Variants in SLC41A2 observed in about 807,000 individuals in gnomAD.
The protein encoded by SLC41A2 is SLC41A1-like 1.
A neutral mutation model predicts 58.3 loss-of-function variants in SLC41A2; 32 were observed. The observed-to-expected ratio is 0.55, with a 90% CI of 0.41 to 0.74. SLC41A2 has a LOEUF of 0.74. Ranked by LOEUF, SLC41A2 falls within the 30% of genes least tolerant of loss-of-function variation. The probability of loss-of-function intolerance (pLI) is 0.00; values close to 1 mark genes in which losing one functional copy is unlikely to be tolerated. For synonymous variants in SLC41A2, 190 were observed against 235.0 expected (o/e 0.81, Z 1.75); for missense variants, 514 against 680.6 (o/e 0.76, Z 2.72).
intron 6 of SLC41A2, among the ~76,000 whole-genome samples, chr12:104,881,302 G>T (rs948404697): frequency 1.3e-5 from 2 of 151,990 alleles, no homozygotes; most frequent in Non-Finnish European, 2.9e-5. Context: ...GGGTTCTTTT[G>T]TGTCTCTATC....
At chr12:104,850,309 T>C (rs774512874) in intron 8 of SLC41A2, among the ~76,000 whole-genome samples, 1 of 152,210 alleles carries the variant, frequency 6.6e-6, no homozygotes, top group Non-Finnish European at 1.5e-5. Context: ...GATGTGATGT[T>C]TAGGATCCAG....
In SLC41A2 at chr12:104,894,542, A is replaced by T. The variant is rs544030168; in HGVS notation, c.735+732T>A. Among the ~76,000 whole-genome samples, 10 of 152,324 alleles carry T rather than the reference A, an allele frequency of 6.6e-5. No individual in the cohort carries two copies. The South Asian group carries it at 2.1e-3, about 32-fold the overall frequency. On this transcript the variant is annotated intron_variant, in intron 4 of 10. Transcript: ENST00000258538. ...TACAAGCACTTGTACACGTATTCAA[A>T]AAATGTGCTTTATTTCTTTGTCCTT...
At chr12:104,904,935 G>A (rs540378399) in intron 3 of SLC41A2, among the ~76,000 whole-genome samples, 1 of 152,272 alleles carries the variant, frequency 6.6e-6, no homozygotes, top group Non-Finnish European at 1.5e-5. Flanking sequence ...GGGGACCCAA[G>A]CGGGTTACCA....
intron 10 of SLC41A2, among the ~76,000 whole-genome samples, chr12:104,843,880 C>T (rs2042511101): frequency 6.6e-6 from 1 of 152,080 alleles, no homozygotes; most frequent in Admixed American, 6.5e-5. Context: ...ATAGGAAACA[C>T]TATACATGCC....
intron 10 of SLC41A2, among the ~76,000 whole-genome samples, chr12:104,826,915 A>G (rs1049470544): frequency 6.6e-6 from 1 of 152,216 alleles, no homozygotes; most frequent in African/African-American, 2.4e-5. Context: ...GTGTCAGGGA[A>G]GAGGGTAAAT....
At chr12:104,913,841 G>A (rs1242382656) in intron 2 of SLC41A2, among the ~76,000 whole-genome samples, 4 of 152,206 alleles carry the variant, frequency 2.6e-5, no homozygotes, top group Non-Finnish European at 5.9e-5. Flanking sequence ...GAAGGCCGAG[G>A]CAGATGGATC....
chr12:104,856,990 T>A (rs1396241455), intron 8 of SLC41A2, among the ~76,000 whole-genome samples: 3 of 152,202 alleles, frequency 2.0e-5, no homozygotes, highest in African/African-American at 4.8e-5. Flanking sequence ...TCATTTTTAG[T>A]CTCTTTTTAA....
intron 7 of SLC41A2, 29 bp downstream of exon 7, chr12:104,866,402 AC>A: frequency 6.3e-7 from 1 of 1,595,470 alleles, no homozygotes; most frequent in South Asian, 1.1e-5. Context: ...ACACACACAC[AC>A]ACACACACAC....
chr12:104,872,358 G>A (rs2043827908), intron 6 of SLC41A2, among the ~76,000 whole-genome samples: 1 of 152,138 alleles, frequency 6.6e-6, no homozygotes, highest in Non-Finnish European at 1.5e-5. Flanking sequence ...CTTTTTTGGA[G>A]GAGTGGAGAG....
intron 4 of SLC41A2, among the ~76,000 whole-genome samples, chr12:104,890,591 T>A (rs2044906590): frequency 6.6e-6 from 1 of 152,104 alleles, no homozygotes; most frequent in Admixed American, 6.5e-5. Flanking sequence ...GAAGTCCTAT[T>A]CTGGAAATAT....
At chr12:104,887,719 T>C (rs765376430) in intron 5 of SLC41A2, among the ~76,000 whole-genome samples, 7 of 152,028 alleles carry the variant, frequency 4.6e-5, no homozygotes, top group Non-Finnish European at 7.4e-5. Flanking sequence ...ATATTTTGTA[T>C]GTATCATAGT....
chr12:104,936,560 G>C (rs1017416219), intron 1 of SLC41A2, among the ~76,000 whole-genome samples: 3 of 152,158 alleles, frequency 2.0e-5, no homozygotes, highest in Non-Finnish European at 2.9e-5. Flanking sequence ...GTAGATGGTG[G>C]CAAGCAAAGA....
chr12:104,862,836 T>C (rs1465067234), intron 7 of SLC41A2, among the ~76,000 whole-genome samples: 1 of 152,126 alleles, frequency 6.6e-6, no homozygotes, highest in Non-Finnish European at 1.5e-5. Flanking sequence ...TATTGTAGAA[T>C]GACTAAATTG....
rs2040740581 is a variant in SLC41A2 at position 104,802,628 on chromosome 12, A to AT, written c.*2523dup. 1 of 152,148 alleles carries AT rather than the reference A, an allele frequency of 6.6e-6. No homozygotes were observed. Among genetic ancestry groups the AT allele is most frequent in the Non-Finnish European group, 1.5e-5 (1 of 68,014 alleles). The allele number at this position is 152,148 out of a possible 1,614,324, so 9.4% of individuals were successfully genotyped here. A position where few individuals can be genotyped will look rare whatever the true frequency, so the allele number is the denominator to read the frequency against. ...CTGGGCAGGGTGGTAGCAATGATAGATTTTACAAATTAAGGCATTGTTCTT... is the reference window on the plus strand; with the variant it reads ...CTGGGCAGGGTGGTAGCAATGATAGATTTTTACAAATTAAGGCATTGTTCTT... On this transcript the variant is annotated 3_prime_UTR_variant, in exon 11 of 11. Transcript: ENST00000258538.
intron 8 of SLC41A2, among the ~76,000 whole-genome samples, chr12:104,847,799 A>ACAGCAGGT (rs1355811153): frequency 6.6e-6 from 1 of 152,310 alleles, no homozygotes; most frequent in East Asian, 1.9e-4. Context: ...GAAATGACAT[A>ACAGCAGGT]CAGCAGGTCC....
At chr12:104,916,910 G>A (rs1474230944) in intron 2 of SLC41A2, among the ~76,000 whole-genome samples, 95 of 151,314 alleles carry the variant, frequency 6.3e-4, no homozygotes, top group Non-Finnish European at 1.1e-3. Flanking sequence ...GGACATAGGC[G>A]TGGGCAAGGA....
At chr12:104,873,067 G>A (rs1288958052) in intron 6 of SLC41A2, among the ~76,000 whole-genome samples, 1 of 151,996 alleles carries the variant, frequency 6.6e-6, no homozygotes, top group East Asian at 1.9e-4. Context: ...CAAACTTCTA[G>A]TTATAACTAT....
intron 4 of SLC41A2, among the ~76,000 whole-genome samples, chr12:104,890,314 A>G (rs2044889854): frequency 6.6e-6 from 1 of 152,196 alleles, no homozygotes; most frequent in Admixed American, 6.5e-5. Flanking sequence ...ACAGATACAG[A>G]GCTGAGATTC....
intron 6 of SLC41A2, among the ~76,000 whole-genome samples, chr12:104,879,993 G>A (rs534838667): frequency 1.9e-4 from 29 of 152,054 alleles, no homozygotes; most frequent in Admixed American, 3.9e-4. Flanking sequence ...TTCACATTCC[G>A]TGTAAGTTGG....
Sources: gnomAD v4.1 joint callset for allele counts (sites outside exome capture counted in the v4.1 genomes callset) on GRCh38, gnomAD v4.1.1 for gene constraint, MANE v1.5 for transcripts, NCBI Gene and HGNC (gene_info 2026-07-23, HGNC 2026-07-21) for gene names.